FAAP20: variants seen among roughly 807,000 people sequenced by gnomAD.
FAAP20 encodes Fanconi anemia core complex-associated protein 20.
In FAAP20, 12 loss-of-function variants were observed where a neutral mutation model predicts 16.2. The ratio of observed to expected loss-of-function variants is 0.74; its 90% CI spans 0.48 to 1.20. The LOEUF is 1.20. Among genes scored for constraint, FAAP20 ranks in the 50% most tolerant of loss-of-function variants. The probability of loss-of-function intolerance (pLI) is 0.00; values close to 1 mark genes in which losing one functional copy is unlikely to be tolerated. For missense variants in FAAP20, 288 were observed against 245.8 expected (o/e 1.17, Z -1.15); for synonymous variants, 141 against 110.7 (o/e 1.27, Z -1.72).
chr1:2,197,202 G>A (rs943854855), upstream of FAAP20, among the ~76,000 whole-genome samples: 5 of 152,246 alleles, frequency 3.3e-5, no homozygotes, highest in African/African-American at 1.2e-4. Context: ...TGCTGCCCCA[G>A]AACAGGGGCC....
At chr1:2,187,100 T>C (rs2503699), downstream of FAAP20, 334,699 of 448,074 alleles carry the variant, frequency 0.75, 127,509 homozygotes, top group East Asian at 0.94. Context: ...TGCGTGGGCG[T>C]GGTGCGGGGC....
upstream of FAAP20, among the ~76,000 whole-genome samples, chr1:2,202,030 AAAGAAG>A (rs930711558): frequency 1.3e-5 from 2 of 151,744 alleles, no homozygotes; most frequent in African/African-American, 2.4e-5. Flanking sequence ...AAAAAAAAAA[AAAGAAG>A]AAGAAGAAGA....
downstream of FAAP20, chr1:2,184,553 A>C: frequency 1.3e-6 from 2 of 1,580,156 alleles, no homozygotes; most frequent in South Asian, 1.1e-5. Context: ...GCCCGCGCGG[A>C]GCTGACCCTT....
At chr1:2,208,378 C>A (rs778416039), downstream of FAAP20, among the ~76,000 whole-genome samples, 2 of 152,216 alleles carry the variant, frequency 1.3e-5, no homozygotes, top group African/African-American at 4.8e-5. Context: ...CTGCCCCCCT[C>A]CTGGCAAGCG....
chr1:2,185,038 C>T (rs1435139269), downstream of FAAP20: 13 of 1,569,266 alleles, frequency 8.3e-6, no homozygotes, highest in Middle Eastern at 1.7e-4. Flanking sequence ...CGTGGACACG[C>T]GTGATTGACC....
At chr1:2,198,106 C>G, upstream of FAAP20, 1 of 1,291,208 alleles carries the variant, frequency 7.7e-7, no homozygotes, top group South Asian at 1.2e-5. Flanking sequence ...CGCTCCACTT[C>G]TTCGGAGCCA....
At chr1:2,201,712 A>G (rs2100737673), upstream of FAAP20, among the ~76,000 whole-genome samples, 1 of 149,682 alleles carries the variant, frequency 6.7e-6, no homozygotes, top group South Asian at 2.1e-4. Flanking sequence ...ACAGAGCAAA[A>G]CTCCAACTCA....
At chr1:2,208,374 C>A (rs556559303), downstream of FAAP20, among the ~76,000 whole-genome samples, 2 of 152,332 alleles carry the variant, frequency 1.3e-5, no homozygotes, top group East Asian at 3.9e-4. Context: ...CTCTCTGCCC[C>A]CCTCCTGGCA....
chr1:2,188,107 A>G (rs1323254679), downstream of FAAP20, among the ~76,000 whole-genome samples: 1 of 152,110 alleles, frequency 6.6e-6, no homozygotes, highest in East Asian at 1.9e-4. Context: ...GGGTGTTCAC[A>G]CCACGTCTGC....
chr1:2,188,196 GC>G (rs1687784549), downstream of FAAP20, among the ~76,000 whole-genome samples: 1 of 152,224 alleles, frequency 6.6e-6, no homozygotes, highest in African/African-American at 2.4e-5. Context: ...GAACCTGGGG[GC>G]TGAACAGCAG....
chr1:2,210,149 C>T (rs1689397203), downstream of FAAP20, among the ~76,000 whole-genome samples: 1 of 152,240 alleles, frequency 6.6e-6, no homozygotes, highest in Admixed American at 6.5e-5. Flanking sequence ...GGCGGCTCAC[C>T]TGCCTGCCTC....
At chr1:2,186,188 G>A (rs1198654215), downstream of FAAP20, 1 of 396,480 alleles carries the variant, frequency 2.5e-6, no homozygotes, top group Admixed American at 2.6e-5. Context: ...CTCTTGGCCA[G>A]GCGCAGAGAC....
chr1:2,211,435 A>ATTTTTTTTTT (rs1164460550), downstream of FAAP20, among the ~76,000 whole-genome samples: 1 of 8,564 alleles, frequency 1.2e-4, no homozygotes, highest in African/African-American at 9.4e-4. Flanking sequence ...ATATATATAT[A>ATTTTTTTTTT]TTTTTTTTTT....
rs1445283987 is a variant in FAAP20, at chr1:2,192,382, T to C, written c.470+1257A>G. 7 of 995,072 alleles carry C rather than the reference T, an allele frequency of 7.0e-6. No individual in the cohort carries two copies. In the Admixed American group the frequency reaches 1.7e-4, roughly 24 times the overall value. 61.6% of individuals were successfully genotyped at this position (995,072 alleles called of 1,614,324 possible). On this transcript the variant is annotated intron_variant, in intron 3 of 3. Transcript: ENST00000378546. ...GGACCTGACTTCATTGACGCCTACTTAGGAAAAATTGAGGCAGTCTGCCAA... is the reference window on the plus strand; with the variant it reads ...GGACCTGACTTCATTGACGCCTACTCAGGAAAAATTGAGGCAGTCTGCCAA...
At chr1:2,191,671 G>A in intron 3 of FAAP20, 1 of 213,272 alleles carries the variant, frequency 4.7e-6, no homozygotes, top group Non-Finnish European at 8.0e-6. Flanking sequence ...AACCCGGGAG[G>A]CAGATGTTGC....
At chr1:2,199,395 A>C, upstream of FAAP20, 2 of 1,020,246 alleles carry the variant, frequency 2.0e-6, no homozygotes, top group Non-Finnish European at 2.4e-6. This position sits in a 1 kb window ranked among gnomAD's most constrained non-coding sequence, Gnocchi z 4.5. Flanking sequence ...AAGCTTCCCC[A>C]GCCCAGCCCA....
chr1:2,193,484 TG>T, intron 3 of FAAP20, 154 bp downstream of exon 3: 1 of 1,226,328 alleles, frequency 8.2e-7, no homozygotes, highest in Non-Finnish European at 1.1e-6. Flanking sequence ...GAGAGCCACC[TG>T]GACATGCCAG....
upstream of FAAP20, chr1:2,198,059 G>A (rs202085505): frequency 1.1e-3 from 1,480 of 1,291,526 alleles, 1 homozygote; most frequent in Non-Finnish European, 1.4e-3. Flanking sequence ...GCTGGTGATG[G>A]TGATGGTGGA....
At chr1:2,192,906 T>TTTGTTG (rs142041547) in intron 3 of FAAP20, 16 of 1,302,228 alleles carry the variant, frequency 1.2e-5, no homozygotes, top group South Asian at 1.1e-4. Context: ...GGCCTTTTCT[T>TTTGTTG]TTGTTGTTGT....
Sources: allele counts gnomAD v4.1 joint callset (sites outside exome capture counted in the v4.1 genomes callset), GRCh38; gene constraint gnomAD v4.1.1; non-coding constraint Gnocchi (gnomAD v3.1); transcripts MANE v1.5; gene names NCBI Gene and HGNC (gene_info 2026-07-23, HGNC 2026-07-21).